Variants in GNAO1 observed in about 807,000 individuals in gnomAD.
GNAO1 encodes G protein subunit alpha o1, also known as guanine nucleotide-binding protein G(o) subunit alpha.
For missense variants in GNAO1, 166 were observed against 478.7 expected, an observed-to-expected ratio of 0.35 and a Z score of 6.10; for synonymous variants, 164 against 180.7, an observed-to-expected ratio of 0.91 and a Z score of 0.74.
chr16:56,298,215 C>T (rs2037307148), intron 3 of GNAO1, among the ~76,000 whole-genome samples: 1 of 152,100 alleles, frequency 6.6e-6, no homozygotes, highest in Non-Finnish European at 1.5e-5. Flanking sequence ...GATGATCTTC[C>T]GTATGTGCAG....
chr16:56,229,144 T>C (rs1264743662), intron 2 of GNAO1, among the ~76,000 whole-genome samples: 1 of 152,140 alleles, frequency 6.6e-6, no homozygotes, highest in East Asian at 1.9e-4. Flanking sequence ...AGGCTAGAGG[T>C]AGAATCATTT....
chr16:56,325,938 C>G (rs1172375290), intron 3 of GNAO1, among the ~76,000 whole-genome samples: 1 of 152,186 alleles, frequency 6.6e-6, no homozygotes, highest in Non-Finnish European at 1.5e-5. Context: ...CTAAGCTTCC[C>G]ACTTTGAAAA....
chr16:56,261,963 T>C (rs1165801950), intron 2 of GNAO1, among the ~76,000 whole-genome samples: 1 of 152,210 alleles, frequency 6.6e-6, no homozygotes, highest in Admixed American at 6.5e-5. Flanking sequence ...CTCATGTCAC[T>C]GACTAGCCTA....
At chr16:56,247,057 C>T (rs1307299681) in intron 2 of GNAO1, among the ~76,000 whole-genome samples, 2 of 152,188 alleles carry the variant, frequency 1.3e-5, no homozygotes, top group African/African-American at 4.8e-5. Context: ...CTTTTTTCCT[C>T]TTCTCCCCGC....
chr16:56,222,742 C>G (rs1190004303), intron 2 of GNAO1, among the ~76,000 whole-genome samples: 3 of 152,084 alleles, frequency 2.0e-5, no homozygotes, highest in East Asian at 3.9e-4. Context: ...AACCCAGGGG[C>G]GACAGATCCT....
At chr16:56,336,207 G>T (rs1275207300) in intron 5 of GNAO1, among the ~76,000 whole-genome samples, 1 of 152,224 alleles carries the variant, frequency 6.6e-6, no homozygotes, top group Non-Finnish European at 1.5e-5. Flanking sequence ...AGGTGAGAGC[G>T]CCAGCTTTGT....
At chr16:56,344,711 G>T (rs2037845243) in intron 6 of GNAO1, 2 of 985,636 alleles carry the variant, frequency 2.0e-6, no homozygotes, top group South Asian at 4.7e-5. Context: ...CTGGGCTGGG[G>T]CCTCCCGCCC....
chr16:56,286,310 T>C (rs542251736), intron 3 of GNAO1, among the ~76,000 whole-genome samples: 31 of 152,252 alleles, frequency 2.0e-4, no homozygotes, highest in Middle Eastern at 3.4e-3. Context: ...CCACTCTGAG[T>C]AAGTTAGGAC....
intron 3 of GNAO1, among the ~76,000 whole-genome samples, chr16:56,300,038 C>CGTGTGTGTGT (rs1173301226): frequency 7.9e-6 from 1 of 127,102 alleles, no homozygotes; most frequent in Admixed American, 7.7e-5. Context: ...TGTGTGTGTG[C>CGTGTGTGTGT]GCGCGCGCGC....
rs1252749425 is a variant in GNAO1 at position 56,351,612 on chromosome 16, C to T, written c.877+75C>T. On this transcript the variant is annotated intron_variant, in intron 7 of 8. Transcript: ENST00000262493. This position sits in a 1 kb window ranked among gnomAD's most constrained non-coding sequence, Gnocchi z 6.1. ...CCCATGGCTCAGAGAACAGGCTGCT[C>T]GGCCAGCACTGCTGGGGCTAGCTGG... 63 of 1,195,470 alleles carry T rather than the reference C, an allele frequency of 5.3e-5. 1 individual carries two copies. The highest frequency in any genetic ancestry group is 7.3e-5 in the Non-Finnish European group (60 of 824,290). The allele number at this position is 1,195,470 out of a possible 1,614,324, so 74.1% of individuals were successfully genotyped here. A position where few individuals can be genotyped will look rare whatever the true frequency, so the allele number is the denominator to read the frequency against.
At chr16:56,305,628 A>G (rs952522152) in intron 3 of GNAO1, among the ~76,000 whole-genome samples, 4 of 152,132 alleles carry the variant, frequency 2.6e-5, no homozygotes, top group Admixed American at 2.6e-4. Context: ...GGCCTTGTAG[A>G]TAGAGTTTGG....
At chr16:56,331,976 C>T (rs1165466964) in intron 4 of GNAO1, among the ~76,000 whole-genome samples, 4 of 152,160 alleles carry the variant, frequency 2.6e-5, no homozygotes, top group Admixed American at 6.5e-5. Flanking sequence ...TCTACTTCTG[C>T]TCGTCCTCCT....
At chr16:56,254,442 AT>A (rs1475548944) in intron 2 of GNAO1, among the ~76,000 whole-genome samples, 1 of 152,076 alleles carries the variant, frequency 6.6e-6, no homozygotes, top group Non-Finnish European at 1.5e-5. Flanking sequence ...CCTCTGCAGC[AT>A]TTTTTTAAAC....
At chr16:56,330,839 A>G (rs984026035) in intron 4 of GNAO1, among the ~76,000 whole-genome samples, 4 of 152,194 alleles carry the variant, frequency 2.6e-5, no homozygotes, top group Non-Finnish European at 4.4e-5. Context: ...CTGCAGCCTC[A>G]TCTCTGCCTT....
intron 3 of GNAO1, among the ~76,000 whole-genome samples, chr16:56,317,254 G>A (rs1411595092): frequency 1.3e-5 from 2 of 152,214 alleles, no homozygotes; most frequent in African/African-American, 4.8e-5. Context: ...CTTCAGGAAC[G>A]CCTTGCTTAA....
chr16:56,352,462 G>A (rs2143701117), intron 7 of GNAO1: 1 of 152,538 alleles, frequency 6.6e-6, no homozygotes, highest in African/African-American at 2.4e-5. Context: ...AGACTACAGA[G>A]TGCACAGGGC....
At chr16:56,257,344 C>T (rs1325605318) in intron 2 of GNAO1, among the ~76,000 whole-genome samples, 2 of 152,194 alleles carry the variant, frequency 1.3e-5, no homozygotes, top group Admixed American at 6.5e-5. Flanking sequence ...AGGTGCCTTT[C>T]CTACTTGTTG....
At chr16:56,196,867 T>C (rs1470882420) in intron 2 of GNAO1, among the ~76,000 whole-genome samples, 1 of 152,192 alleles carries the variant, frequency 6.6e-6, no homozygotes, top group Non-Finnish European at 1.5e-5. Flanking sequence ...CTCATACAAA[T>C]ATTCCAGCCT....
chr16:56,306,384 G>A (rs2037396380), intron 3 of GNAO1, among the ~76,000 whole-genome samples: 1 of 152,216 alleles, frequency 6.6e-6, no homozygotes, highest in African/African-American at 2.4e-5. Flanking sequence ...CAGGAGAGCT[G>A]GCCAAGCTGC....
Sources: gnomAD v4.1 joint callset for allele counts (sites outside exome capture counted in the v4.1 genomes callset) on GRCh38, gnomAD v4.1.1 for gene constraint, Gnocchi (gnomAD v3.1) non-coding constraint, MANE v1.5 for transcripts, NCBI Gene and HGNC (gene_info 2026-07-23, HGNC 2026-07-21) for gene names.